Variants in CNTD1 observed in about 807,000 individuals in gnomAD.
CNTD1 encodes the protein cyclin N-terminal domain containing 1, also known as cyclin N-terminal domain-containing protein 1.
A neutral mutation model predicts 36.3 loss-of-function variants in CNTD1; 17 were observed. That is an observed-to-expected ratio of 0.47 (90% CI 0.32 to 0.70). The LOEUF (loss-of-function observed/expected upper bound fraction) is 0.70. Among genes scored for constraint, CNTD1 ranks in the 30% least tolerant of loss-of-function variants. CNTD1 has a pLI of 0.03. For synonymous variants in CNTD1, 128 were observed against 153.3 expected (o/e 0.83, Z 1.22); for missense variants, 338 against 386.1 (o/e 0.88, Z 1.04).
intron 3 of CNTD1, 76 bp downstream of exon 3, chr17:42,804,472 G>C: frequency 7.9e-7 from 1 of 1,261,326 alleles, no homozygotes; most frequent in Non-Finnish European, 1.1e-6. Context: ...GGGCTGTGAT[G>C]AGCTTCAAGT....
At position 42,807,768 on chromosome 17, in the gene CNTD1, G is replaced by T; in HGVS notation, c.726G>T (p.Gly242=). Reference sequence around the variant, plus strand: ...AATTAATGTGGTTTTAATCACTCAGGGAAAAGTTTACTTCAGTGAAGGAAG... The same window carrying T: ...AATTAATGTGGTTTTAATCACTCAGTGAAAAGTTTACTTCAGTGAAGGAAG... ...IENSTPSQLQ[G]EKFTSVKEDF... Residue 242 remains glycine (G), a splice_region_variant and synonymous_variant, in exon 6 of 7, where the codon GGG becomes GGT. Coordinates refer to ENST00000588408, the MANE Select transcript of CNTD1 (RefSeq NM_173478.3). The T allele has an allele frequency of 6.2e-7, 1 of 1,610,416 alleles. No homozygotes were observed. The highest frequency in any genetic ancestry group is 1.7e-4 in the Middle Eastern group (1 of 6,056).
intron 4 of CNTD1, among the ~76,000 whole-genome samples, 169 bp downstream of exon 4, chr17:42,806,053 C>A (rs1209994465): frequency 1.3e-5 from 2 of 151,996 alleles, no homozygotes; most frequent in Non-Finnish European, 2.9e-5. Context: ...CATAGTGAGA[C>A]CCCATCTCTA....
chr17:42,803,784 T>G (rs2054833294), intron 2 of CNTD1, 89 bp downstream of exon 2: 1 of 973,368 alleles, frequency 1.0e-6, no homozygotes, highest in Non-Finnish European at 1.6e-6. Flanking sequence ...TAGTTGCCCC[T>G]TACCCTGAGA....
rs2054722251 is a variant in CNTD1, at chr17:42,798,944, G to GCCGT, written c.-123_-122insCGTC. 1 of 1,467,814 alleles carries GCCGT rather than the reference G, an allele frequency of 6.8e-7. No individual in the cohort carries two copies. The highest frequency in any genetic ancestry group is 2.6e-5 in the Admixed American group (1 of 38,184). 90.9% of individuals were successfully genotyped at this position (1,467,814 alleles called of 1,614,324 possible). A position where few individuals can be genotyped will look rare whatever the true frequency, so the allele number is the denominator to read the frequency against. On this transcript the variant is annotated 5_prime_UTR_variant, in exon 1 of 7. Transcript: ENST00000588408. ...TAATTGGGTTTTCCTCAGACTTGAG[G>GCCGT]CGACGACACACTCATTGGAAGGGGA...
chr17:42,805,610 G>T, intron 3 of CNTD1, 112 bp from the exon 4 acceptor site: 1 of 945,266 alleles, frequency 1.1e-6, no homozygotes, highest in South Asian at 1.7e-5. Context: ...ATTACCAAGA[G>T]ACAAGACTGA....
Position 42,810,651 on chromosome 17 carries a change from G to T in CNTD1, c.*1116G>T. 3 of 1,171,506 alleles carry T rather than the reference G, an allele frequency of 2.6e-6. No individual in the cohort carries two copies. The highest frequency in any genetic ancestry group is 3.5e-6 in the Non-Finnish European group (3 of 863,428). The allele number at this position is 1,171,506 out of a possible 1,614,324, so 72.6% of individuals were successfully genotyped here. Reference sequence around the variant, plus strand: ...GCTTTTGTGGATTTTTTCTTTTTTGGTATTGTAAACATGTACTGTTTAATA... The same window carrying T: ...GCTTTTGTGGATTTTTTCTTTTTTGTTATTGTAAACATGTACTGTTTAATA... On this transcript the variant is annotated 3_prime_UTR_variant, in exon 7 of 7. Coordinates refer to ENST00000588408, the MANE Select transcript of CNTD1 (RefSeq NM_173478.3).
chr17:42,809,338 A>C, intron 6 of CNTD1, 27 bp from the exon 7 acceptor site: 1 of 1,580,838 alleles, frequency 6.3e-7, no homozygotes, highest in Non-Finnish European at 8.6e-7. Context: ...TTTTTTAGTA[A>C]TAAGAAATCT....
chr17:42,804,981 A>G (rs1238696161), intron 3 of CNTD1, among the ~76,000 whole-genome samples: 1 of 152,122 alleles, frequency 6.6e-6, no homozygotes, highest in Non-Finnish European at 1.5e-5. Flanking sequence ...CAGTTATTAA[A>G]TAGCCTGAAG....
At chr17:42,808,237 T>C (rs1483532697) in intron 6 of CNTD1, among the ~76,000 whole-genome samples, 2 of 151,946 alleles carry the variant, frequency 1.3e-5, no homozygotes, top group African/African-American at 4.8e-5. Flanking sequence ...CAGCAAGACC[T>C]TGTCTCTACA....
intron 1 of CNTD1, among the ~76,000 whole-genome samples, chr17:42,803,236 G>A (rs2054823918): frequency 6.6e-6 from 1 of 152,240 alleles, no homozygotes; most frequent in South Asian, 2.1e-4. Flanking sequence ...CAGAATATAG[G>A]AGTTAGGGTT....
Position 42,798,869 on chromosome 17 carries a change from C to A in CNTD1, c.-199C>A. ...GTGCTTTCTGATTGGCTGAGGAGTCCGTGGCCGTTGGGGCGGGAAAAAGCT... is the reference window on the plus strand; with the variant it reads ...GTGCTTTCTGATTGGCTGAGGAGTCAGTGGCCGTTGGGGCGGGAAAAAGCT... On this transcript the variant is annotated 5_prime_UTR_variant, in exon 1 of 7. Transcript: ENST00000588408. 1.4e-6 allele frequency: 2 copies of A among 1,440,534 alleles called. No homozygotes were observed. The highest frequency in any genetic ancestry group is 1.8e-6 in the Non-Finnish European group (2 of 1,102,540). 89.2% of individuals were successfully genotyped at this position (1,440,534 alleles called of 1,614,324 possible).
Position 42,803,706 on chromosome 17 carries a change from G to A in CNTD1, c.245+11G>A. ...AGAAATCCTAGAAAGGTAAAGCCCT[G>A]GCATAATGCCTTTTGAACGGCACCT... On this transcript the variant is annotated intron_variant, in intron 2 of 6. Transcript: ENST00000588408. The A allele has an allele frequency of 1.2e-6, 2 of 1,608,180 alleles. No homozygotes were observed. Among genetic ancestry groups the A allele is most frequent in the South Asian group, 1.1e-5 (1 of 90,738 alleles).
In CNTD1 at chr17:42,810,624, T is replaced by C; in HGVS notation, c.*1089T>C. On this transcript the variant is annotated 3_prime_UTR_variant, in exon 7 of 7. Coordinates refer to ENST00000588408, the MANE Select transcript of CNTD1 (RefSeq NM_173478.3). ...TGTCACATGATATTTTAAAATAAAGTGGCTTTTGTGGATTTTTTCTTTTTT... is the reference window on the plus strand; with the variant it reads ...TGTCACATGATATTTTAAAATAAAGCGGCTTTTGTGGATTTTTTCTTTTTT... The C allele has an allele frequency of 1.1e-6, 1 of 879,538 alleles. No homozygotes were observed. The highest frequency in any genetic ancestry group is 2.5e-5 in the South Asian group (1 of 40,570). The allele number at this position is 879,538 out of a possible 1,614,324, so 54.5% of individuals were successfully genotyped here.
chr17:42,806,584 A>G (rs2054882480), intron 4 of CNTD1, 90 bp from the exon 5 acceptor site: 1 of 1,326,196 alleles, frequency 7.5e-7, no homozygotes, highest in Middle Eastern at 1.9e-4. Context: ...GAAGCACATT[A>G]GCACCTCAAC....
rs1457604918 is a variant in CNTD1, at chr17:42,804,268, A to G, written c.289A>G (p.Ile97Val). The change falls in exon 3 of 7, where the codon ATC becomes GTC. Residue 97 changes from isoleucine to valine, a missense_variant. Transcript: ENST00000588408. Reference sequence around the variant, plus strand: ...AGAGAACATCTGCAGGCAAGCCACAATCCAGCCAAGAGATAATAAGAGAGA... The same window carrying G: ...AGAGAACATCTGCAGGCAAGCCACAGTCCAGCCAAGAGATAATAAGAGAGA... Reference protein sequence around the residue: ...QAENICRQATIQPRDNKRESQ... With the variant: ...QAENICRQATVQPRDNKRESQ... 2 of 1,614,184 alleles carry G rather than the reference A, an allele frequency of 1.2e-6. No individual in the cohort carries two copies. The highest frequency in any genetic ancestry group is 2.2e-5 in the East Asian group (1 of 44,884).
chr17:42,803,326 G>A (rs2144119047), intron 1 of CNTD1, among the ~76,000 whole-genome samples: 1 of 152,268 alleles, frequency 6.6e-6, no homozygotes. Context: ...TGGTATGTTT[G>A]TGTGTAACTG....
At chr17:42,806,177 G>A (rs1014979384) in intron 4 of CNTD1, among the ~76,000 whole-genome samples, 1 of 151,024 alleles carries the variant, frequency 6.6e-6, no homozygotes, top group Non-Finnish European at 1.5e-5. Context: ...GCAGTGAGCC[G>A]AGATCATGCC....
Position 42,805,632 on chromosome 17 carries a change from T to A in CNTD1, c.418-90T>A. ...AGAGACAAGACTGAAGATGAAGGAA[T>A]AGGCTGGATTATGAAGGGCTTTGTG... On this transcript the variant is annotated intron_variant, in intron 3 of 6. Coordinates refer to ENST00000588408, the MANE Select transcript of CNTD1 (RefSeq NM_173478.3). The A allele has an allele frequency of 3.6e-6, 4 of 1,105,802 alleles. No individual in the cohort carries two copies. The South Asian group carries it at 6.2e-5, about 17-fold the overall frequency. The allele number at this position is 1,105,802 out of a possible 1,614,324, so 68.5% of individuals were successfully genotyped here. A position where few individuals can be genotyped will look rare whatever the true frequency, so the allele number is the denominator to read the frequency against.
Position 42,801,508 on chromosome 17 carries a change from AAAATATATATATATATAT to A in CNTD1, c.170-2110_170-2093del, listed in dbSNP as rs1446354216. Among the ~76,000 whole-genome samples the A allele has an allele frequency of 3.9e-5, 2 of 50,978 alleles. 1 individual carries two copies. The highest frequency in any genetic ancestry group is 3.1e-4 in the African/African-American group (2 of 6,508). The allele number at this position is 50,978 out of a possible 152,430, so 33.4% of individuals were successfully genotyped here. ...GAGACCTTGTCTCAAAAAAAAAAAA[AAAATATATATATATATAT>A]ATATATATATATATATATATAATAT... On this transcript the variant is annotated intron_variant, in intron 1 of 6. Transcript: ENST00000588408.
Sources: gnomAD v4.1 joint callset for allele counts (sites outside exome capture counted in the v4.1 genomes callset) on GRCh38, gnomAD v4.1.1 for gene constraint, MANE v1.5 for transcripts, NCBI Gene and HGNC (gene_info 2026-07-23, HGNC 2026-07-21) for gene names.